LPCAT4: variants seen among roughly 807,000 people sequenced by gnomAD.
The protein encoded by LPCAT4 is lysophosphatidylcholine acyltransferase 4.
In LPCAT4, 30 loss-of-function variants were observed where a neutral mutation model predicts 66.5. The observed-to-expected ratio is 0.45, with a 90% CI of 0.34 to 0.61. The LOEUF is 0.61. Ranked by LOEUF, LPCAT4 falls within the 20% of genes least tolerant of loss-of-function variation. The pLI is 0.01. For synonymous variants in LPCAT4, 253 were observed against 262.1 expected, an observed-to-expected ratio of 0.97 and a Z score of 0.34; for missense variants, 557 against 656.7, an observed-to-expected ratio of 0.85 and a Z score of 1.66.
At position 34,365,230 on chromosome 15, in the gene LPCAT4, T is replaced by C. The variant is rs1375510816; in HGVS notation, c.258-2A>G. The stretch of plus-strand genomic sequence containing the variant: ...AGCACCCCGTTGTGGCACACAGTCC[T>C]GCCAGGGCAAGGCTGGGTATCAGCG... On this transcript the variant is annotated splice_acceptor_variant, in intron 2 of 13. Transcript: ENST00000314891. LOFTEE classifies it high-confidence loss of function. 6.2e-7 allele frequency: 1 copy of C among 1,600,552 alleles called. No individual in the cohort carries two copies. The highest frequency in any genetic ancestry group is 1.3e-5 in the African/African-American group (1 of 74,860).
chr15:34,362,276 T>C lies in LPCAT4; in HGVS notation c.930A>G (p.Leu310=), dbSNP rs777748230. 6 of 1,613,912 alleles carry C rather than the reference T, an allele frequency of 3.7e-6. No individual in the cohort carries two copies. In the South Asian group the frequency reaches 5.5e-5, roughly 15 times the overall value. ...PATECEFVGS[L]PVIVVGRLKV... is the part of the protein sequence containing the mutation. ...TCAGCCGGCCCACCACAATCACAGG[T>C]AAGCTCCCTACAAACTCACATTCGG... is the stretch of plus-strand genomic sequence containing the variant. Residue 310 remains leucine, a synonymous_variant, in exon 10 of 14, where the codon TTA becomes TTG. Transcript: ENST00000314891.
Position 34,367,122 on chromosome 15 carries a change from G to A in LPCAT4, c.-22C>T. ...TCATGGCGGGAGAAGGTGGGAGGGA[G>A]GGCACCCCGGCCCTGGCCCCGGCCA... is the stretch of plus-strand genomic sequence containing the variant. On this transcript the variant is annotated 5_prime_UTR_variant, in exon 1 of 14. Transcript: ENST00000314891. The A allele has an allele frequency of 6.6e-7, 1 of 1,522,142 alleles. No individual in the cohort carries two copies. Among genetic ancestry groups the A allele is most frequent in the South Asian group, 1.2e-5 (1 of 81,160 alleles). The allele number at this position is 1,522,142 out of a possible 1,614,324, so 94.3% of individuals were successfully genotyped here. A position where few individuals can be genotyped will look rare whatever the true frequency, so the allele number is the denominator to read the frequency against.
Position 34,359,314 on chromosome 15 carries a change from A to G in LPCAT4, c.1400-12T>C. On this transcript the variant is annotated splice_polypyrimidine_tract_variant and intron_variant, in intron 13 of 13. Transcript: ENST00000314891. ...GTTCTGGAACTGACCTGGACAAATA[A>G]GAGATGGGGAAAAGTGAAAAGATCT... The G allele has an allele frequency of 6.7e-7, 1 of 1,481,592 alleles. No individual in the cohort carries two copies. The highest frequency in any genetic ancestry group is 1.4e-5 in the South Asian group (1 of 72,064). 91.8% of individuals were successfully genotyped at this position (1,481,592 alleles called of 1,614,324 possible).
At chr15:34,365,265 G>A (rs1466836445) in intron 2 of LPCAT4, 37 bp from the exon 3 acceptor site, 1 of 1,562,846 alleles carries the variant, frequency 6.4e-7, no homozygotes, top group Admixed American at 1.9e-5. Context: ...GGAAGCAGTG[G>A]TTCTAACCCT....
intron 1 of LPCAT4, 77 bp from the exon 2 acceptor site, chr15:34,365,778 A>G (rs1891062851): frequency 6.6e-7 from 1 of 1,526,710 alleles, no homozygotes; most frequent in African/African-American, 1.4e-5. Flanking sequence ...CACAAAGCAT[A>G]GACCCAGGAG....
At chr15:34,364,954 C>CT in intron 3 of LPCAT4, 54 bp downstream of exon 3, 6 of 1,506,496 alleles carry the variant, frequency 4.0e-6, no homozygotes, top group East Asian at 2.3e-5. Flanking sequence ...CCATTCCTGA[C>CT]TTTTTTTGCC....
rs746552018 is a variant in LPCAT4 at position 34,367,102 on chromosome 15, G to A, written c.-2C>T. 3 of 1,541,928 alleles carry A rather than the reference G, an allele frequency of 1.9e-6. No individual in the cohort carries two copies. The highest frequency in any genetic ancestry group is 2.0e-5 in the Admixed American group (1 of 49,948). On this transcript the variant is annotated 5_prime_UTR_variant, in exon 1 of 14. Coordinates refer to ENST00000314891, the MANE Select transcript of LPCAT4 (RefSeq NM_153613.3). ...GTCCCCCGGACTTCCCTGGCTCATG[G>A]CGGGAGAAGGTGGGAGGGAGGGCAC...
At chr15:34,364,925 G>A in intron 3 of LPCAT4, 83 bp downstream of exon 3, 3 of 1,197,518 alleles carry the variant, frequency 2.5e-6, no homozygotes, top group South Asian at 2.9e-5. Flanking sequence ...TTTGAGGCCA[G>A]TTCTTCACTC....
At chr15:34,362,355 G>C in intron 9 of LPCAT4, 34 bp from the exon 10 acceptor site, 1 of 1,612,762 alleles carries the variant, frequency 6.2e-7, no homozygotes, top group Non-Finnish European at 8.5e-7. Flanking sequence ...TGGAGGGTAA[G>C]GAAGCAGAAG....
intron 1 of LPCAT4, 171 bp from the exon 2 acceptor site, chr15:34,365,872 A>G: frequency 1.4e-6 from 1 of 691,958 alleles, no homozygotes. Flanking sequence ...GAAGATACCA[A>G]TGAGGGCAAG....
chr15:34,362,722 T>C, intron 8 of LPCAT4, 60 bp downstream of exon 8: 15 of 1,612,186 alleles, frequency 9.3e-6, no homozygotes, highest in Non-Finnish European at 1.3e-5. Flanking sequence ...CCCACCCTCT[T>C]TTCCCAAGGT....
rs199618290 is a variant in LPCAT4, at chr15:34,363,458, T to G, written c.712-2A>C. 6.2e-7 allele frequency: 1 copy of G among 1,614,140 alleles called. No individual in the cohort carries two copies. Among genetic ancestry groups the G allele is most frequent in the East Asian group, 2.2e-5 (1 of 44,882 alleles). On this transcript the variant is annotated splice_acceptor_variant, in intron 6 of 13. Transcript: ENST00000314891. LOFTEE classifies it high-confidence loss of function. The surrounding 1 kb of genome is among the most constrained non-coding windows in gnomAD (Gnocchi z 4.3). Reference sequence around the variant, plus strand: ...CCTCCATGCCCAGCTGGTGGTGTCCTATGGGAGAAACACAGGTGAGGGCAT... The same window carrying G: ...CCTCCATGCCCAGCTGGTGGTGTCCGATGGGAGAAACACAGGTGAGGGCAT...
In LPCAT4 at chr15:34,362,264, C is replaced by G. The variant is rs1332908121; in HGVS notation, c.942G>C (p.Val314=). ...CEFVGSLPVI[V]VGRLKVALEP... ...CCAACGCCACCTTCAGCCGGCCCAC[C>G]ACAATCACAGGTAAGCTCCCTACAA... Residue 314 remains valine (V), a synonymous_variant, in exon 10 of 14, where the codon GTG becomes GTC. Transcript: ENST00000314891. 6.8e-6 allele frequency: 11 copies of G among 1,614,058 alleles called. No individual in the cohort carries two copies. Among genetic ancestry groups the G allele is most frequent in the Non-Finnish European group, 9.3e-6 (11 of 1,180,032 alleles).
chr15:34,362,220 A>G lies in LPCAT4; in HGVS notation c.986T>C (p.Leu329Pro). Residue 329 changes from leucine to proline, a missense_variant, in exon 10 of 14, where the codon CTG (leucine) becomes CCG (proline). Physicochemically the swap from Leu to Pro is moderately conservative, Grantham distance 98 (BLOSUM62 -3). This residue lies in a region of LPCAT4 where 392 missense variants were observed against 473.9 expected (regional missense o/e 0.83). Coordinates refer to ENST00000314891, the MANE Select transcript of LPCAT4 (RefSeq NM_153613.3). Reference protein sequence around the residue: ...KVALEPQLWELGKVLRKAGLS... With the variant: ...KVALEPQLWEPGKVLRKAGLS... ...CCCAGCCTTCCGAAGCACTTTTCCC[A>G]GTTCCCAGAGCTGTGGTTCCAACGC... 6.2e-7 allele frequency: 1 copy of G among 1,613,392 alleles called. No individual in the cohort carries two copies. The highest frequency in any genetic ancestry group is 1.1e-5 in the South Asian group (1 of 91,042).
chr15:34,364,298 G>C lies in LPCAT4; in HGVS notation c.487C>G (p.Arg163Gly), dbSNP rs1891019005. Residue 163 changes from arginine to glycine, a missense_variant, in exon 4 of 14, where the codon CGA (arginine) becomes GGA (glycine). Physicochemically the swap from Arg to Gly is moderately radical, Grantham distance 125 (BLOSUM62 -2). Transcript: ENST00000314891. Reference sequence around the variant, plus strand: ...GATACCAGGATGGCTTGGTTGAATCGAAGAAGGGCTGGGGTTGGGAAGGAT... The same window carrying C: ...GATACCAGGATGGCTTGGTTGAATCCAAGAAGGGCTGGGGTTGGGAAGGAT... ...LSVPVIGALLRFNQAILVSRH... is the reference protein window; with the variant it reads ...LSVPVIGALLGFNQAILVSRH... 6.2e-7 allele frequency: 1 copy of C among 1,611,372 alleles called. No individual in the cohort carries two copies. Among genetic ancestry groups the C allele is most frequent in the South Asian group, 1.1e-5 (1 of 91,032 alleles).
chr15:34,366,026 G>A, intron 1 of LPCAT4: 1 of 262,416 alleles, frequency 3.8e-6, no homozygotes, highest in South Asian at 5.3e-5. Flanking sequence ...AGGGCGCTGT[G>A]CTTGATGTAC....
Position 34,364,232 on chromosome 15 carries a change from C to T in LPCAT4, c.553G>A (p.Val185Ile). The T allele has an allele frequency of 2.5e-6, 4 of 1,614,006 alleles. No individual in the cohort carries two copies. Among genetic ancestry groups the T allele is most frequent in the Non-Finnish European group, 3.4e-6 (4 of 1,179,884 alleles). The change falls in exon 4 of 14, where the codon GTC becomes ATC. Residue 185 changes from valine (V) to isoleucine (I), a missense_variant. By Grantham distance (29) the Val-to-Ile change is conservative. Transcript: ENST00000314891. ...PASRRRVVEEVRRRATSGGKW... is the reference protein window; with the variant it reads ...PASRRRVVEEIRRRATSGGKW... ...CCTCCTGAGGTGGCCCGCCTTCGGA[C>T]CTCCTCCACCACTCTGCGTCGAGAA...
chr15:34,359,109 G>A lies in LPCAT4; in HGVS notation c.*18C>T, dbSNP rs1168691485. On this transcript the variant is annotated 3_prime_UTR_variant, in exon 14 of 14. Transcript: ENST00000314891. Reference sequence around the variant, plus strand: ...CCTAGCGCTGCCCTGAGGAGGAGGGGGTGAGAGGCTGAGGCACTCAGTCTC... The same window carrying A: ...CCTAGCGCTGCCCTGAGGAGGAGGGAGTGAGAGGCTGAGGCACTCAGTCTC... The A allele has an allele frequency of 1.9e-6, 3 of 1,593,790 alleles. No individual in the cohort carries two copies. Among genetic ancestry groups the A allele is most frequent in the East Asian group, 2.3e-5 (1 of 44,260 alleles).
At position 34,363,597 on chromosome 15, in the gene LPCAT4, A is replaced by G; in HGVS notation, c.711+64T>C. ...TCCCATTAAAGCACCAACAGTTTTCACTTATTTCCATTTGGGGTGGATTTG... is the reference window on the plus strand; with the variant it reads ...TCCCATTAAAGCACCAACAGTTTTCGCTTATTTCCATTTGGGGTGGATTTG... On this transcript the variant is annotated intron_variant, in intron 6 of 13. Coordinates refer to ENST00000314891, the MANE Select transcript of LPCAT4 (RefSeq NM_153613.3). This position sits in a 1 kb window ranked among gnomAD's most constrained non-coding sequence, Gnocchi z 4.3. The G allele has an allele frequency of 6.2e-7, 1 of 1,605,902 alleles. No homozygotes were observed. Among genetic ancestry groups the G allele is most frequent in the African/African-American group, 1.3e-5 (1 of 74,862 alleles).
Sources: allele counts gnomAD v4.1 joint callset, GRCh38; gene constraint gnomAD v4.1.1; regional missense constraint gnomAD v4.1.1; non-coding constraint Gnocchi (gnomAD v3.1); transcripts MANE v1.5; gene names NCBI Gene and HGNC (gene_info 2026-07-23, HGNC 2026-07-21).